Variants in MYLK observed in about 807,000 individuals in gnomAD.
The protein encoded by MYLK is myosin light chain kinase, smooth muscle.
In MYLK, 106 loss-of-function variants were observed where a neutral mutation model predicts 203.4. The observed-to-expected ratio is 0.52, with a 90% CI of 0.45 to 0.61. The LOEUF (loss-of-function observed/expected upper bound fraction) is 0.61. MYLK is among the 20% of genes least tolerant of loss of function. MYLK has a pLI of 0.00. For missense variants in MYLK, 2,072 were observed against 2,442.3 expected, an observed-to-expected ratio of 0.85 and a Z score of 3.20; for synonymous variants, 867 against 959.5, an observed-to-expected ratio of 0.90 and a Z score of 1.78.
At chr3:123,616,449 G>A (rs2057497822) in intron 33 of MYLK, 1 of 152,080 alleles carries the variant, frequency 6.6e-6, no homozygotes, top group Non-Finnish European at 1.5e-5. Flanking sequence ...GTATATACAT[G>A]TACCCCGCTT....
intron 11 of MYLK, among the ~76,000 whole-genome samples, chr3:123,729,919 T>C (rs1359509539): frequency 2.0e-5 from 3 of 149,354 alleles, no homozygotes; most frequent in African/African-American, 7.4e-5. Context: ...TGATTGTGAA[T>C]GGCTATAATG....
At chr3:123,710,599 A>T (rs1157927890) in intron 13 of MYLK, among the ~76,000 whole-genome samples, 1 of 152,236 alleles carries the variant, frequency 6.6e-6, no homozygotes, top group Non-Finnish European at 1.5e-5. Flanking sequence ...CTTGACAAGG[A>T]TGTGGAAAAA....
intron 3 of MYLK, among the ~76,000 whole-genome samples, chr3:123,802,233 G>A (rs2065222134): frequency 6.6e-6 from 1 of 152,196 alleles, no homozygotes; most frequent in Non-Finnish European, 1.5e-5. Flanking sequence ...CCTGCCCGGG[G>A]TACAATCTCA....
intron 2 of MYLK, among the ~76,000 whole-genome samples, chr3:123,850,663 A>G (rs567232750): frequency 5.6e-4 from 85 of 152,122 alleles, no homozygotes; most frequent in African/African-American, 2.0e-3. Flanking sequence ...CAGATGAGTA[A>G]ATTGCAAAAA....
At chr3:123,670,965 G>A (rs1014996419) in intron 20 of MYLK, among the ~76,000 whole-genome samples, 1 of 152,236 alleles carries the variant, frequency 6.6e-6, no homozygotes, top group African/African-American at 2.4e-5. Flanking sequence ...ACAGCAGTCA[G>A]GCTGGGCTAG....
chr3:123,618,908 G>A (rs761822605), intron 32 of MYLK, 138 bp from the exon 33 acceptor site: 81 of 1,159,998 alleles, frequency 7.0e-5, no homozygotes, highest in South Asian at 1.5e-4. Context: ...TCATAAGCAC[G>A]CCTTTCTCCT....
intron 27 of MYLK, among the ~76,000 whole-genome samples, chr3:123,641,096 C>G (rs1275715843): frequency 6.6e-6 from 1 of 152,226 alleles, no homozygotes; most frequent in East Asian, 1.9e-4. Context: ...TCCCTGCAGT[C>G]ATAATTAACT....
intron 2 of MYLK, among the ~76,000 whole-genome samples, chr3:123,842,500 A>G (rs1033584465): frequency 3.3e-5 from 5 of 152,346 alleles, no homozygotes; most frequent in African/African-American, 1.2e-4. Context: ...ACATATATAG[A>G]ACCCTATGCC....
chr3:123,837,588 G>C (rs942284867), intron 2 of MYLK, among the ~76,000 whole-genome samples: 1 of 149,016 alleles, frequency 6.7e-6, no homozygotes, highest in African/African-American at 2.5e-5. Flanking sequence ...ACAATTTAAA[G>C]TCTTCAAATC....
intron 4 of MYLK, 45 bp from the exon 5 acceptor site, chr3:123,752,583 AC>A (rs2063232575): frequency 4.5e-6 from 7 of 1,548,508 alleles, no homozygotes; most frequent in Admixed American, 1.8e-5. Context: ...TTTCATGAGT[AC>A]TCTCTCTGTG....
chr3:123,677,738 C>G (rs2060115516), intron 20 of MYLK, among the ~76,000 whole-genome samples: 1 of 151,528 alleles, frequency 6.6e-6, no homozygotes, highest in African/African-American at 2.4e-5. Context: ...GGTTCAATGT[C>G]AAATTTACTC....
chr3:123,800,284 C>A (rs1486566175), intron 3 of MYLK: 1 of 152,280 alleles, frequency 6.6e-6, no homozygotes, highest in East Asian at 1.9e-4. Context: ...GGGCTGGGCA[C>A]TCTCCCAATT....
intron 5 of MYLK, among the ~76,000 whole-genome samples, chr3:123,745,624 C>A (rs2062991285): frequency 6.6e-6 from 1 of 152,048 alleles, no homozygotes; most frequent in South Asian, 2.1e-4. Flanking sequence ...AACGGAATCC[C>A]TTTCTTAGTA....
In MYLK at chr3:123,732,992, G is replaced by A. The variant is rs1413024663; in HGVS notation, c.1420C>T (p.Leu474=). 1.7e-5 allele frequency: 27 copies of A among 1,614,116 alleles called. No individual in the cohort carries two copies. The highest frequency in any genetic ancestry group is 2.2e-5 in the Non-Finnish European group (26 of 1,180,052). ...CTGTCCCTGGTCCGGGCTTTCAGCAGGCAGAGGTAATGGGAGCCAGCATCT... is the reference window on the plus strand; with the variant it reads ...CTGTCCCTGGTCCGGGCTTTCAGCAAGCAGAGGTAATGGGAGCCAGCATCT... The part of the protein sequence containing the change: ...YEDAGSHYLC[L]LKARTRDSGT... Residue 474 remains leucine, a synonymous_variant, in exon 11 of 34, where the codon CTG becomes TTG. Transcript: ENST00000360304.
In MYLK at chr3:123,708,065, A is replaced by G. The variant is rs747507202; in HGVS notation, c.2141-62T>C. On this transcript the variant is annotated intron_variant, in intron 15 of 33. Transcript: ENST00000360304. ...TCCCTCAGCAGGCAGTGTCCACTCA[A>G]TTCTCCATGGAGGTGAAGGATGGGA... 5 of 1,606,054 alleles carry G rather than the reference A, an allele frequency of 3.1e-6. No homozygotes were observed. In the East Asian group the frequency reaches 1.1e-4, roughly 36 times the overall value.
chr3:123,804,670 TA>T (rs1426358481), intron 3 of MYLK, among the ~76,000 whole-genome samples: 1 of 152,118 alleles, frequency 6.6e-6, no homozygotes, highest in African/African-American at 2.4e-5. Flanking sequence ...GATACTTTGC[TA>T]GGAAGACCCC....
chr3:123,870,993 T>C (rs1343864002), intron 2 of MYLK, among the ~76,000 whole-genome samples: 1 of 152,134 alleles, frequency 6.6e-6, no homozygotes, highest in Non-Finnish European at 1.5e-5. Context: ...GGTCCTAGAC[T>C]GTCAGGGTGG....
intron 4 of MYLK, among the ~76,000 whole-genome samples, chr3:123,760,544 C>G (rs1459080123): frequency 2.6e-5 from 4 of 152,150 alleles, no homozygotes; most frequent in African/African-American, 9.7e-5. Context: ...AAAGGTTAGA[C>G]TTTTCCTCTC....
At chr3:123,743,614 G>A (rs978283384) in intron 5 of MYLK, among the ~76,000 whole-genome samples, 1 of 152,162 alleles carries the variant, frequency 6.6e-6, no homozygotes, top group South Asian at 2.1e-4. Flanking sequence ...AACTGGTGAG[G>A]ACAGAAGCAA....
Sources: gnomAD v4.1 joint callset for allele counts (sites outside exome capture counted in the v4.1 genomes callset) on GRCh38, gnomAD v4.1.1 for gene constraint, MANE v1.5 for transcripts, NCBI Gene and HGNC (gene_info 2026-07-23, HGNC 2026-07-21) for gene names.